Variants in COL13A1 observed in about 807,000 individuals in gnomAD.
COL13A1 encodes the protein collagen type XIII alpha 1 chain.
A neutral mutation model predicts 130.9 loss-of-function variants in COL13A1; 89 were observed. That is an observed-to-expected ratio of 0.68 (90% confidence interval 0.57 to 0.81). The LOEUF (loss-of-function observed/expected upper bound fraction) is 0.81. Ranked by LOEUF, COL13A1 falls within the 30% of genes least tolerant of loss-of-function variation. COL13A1 has a pLI of 0.00. For synonymous variants in COL13A1, 402 were observed against 341.6 expected, an observed-to-expected ratio of 1.18 and a Z score of -1.95; for missense variants, 879 against 934.6, an observed-to-expected ratio of 0.94 and a Z score of 0.78.
chr10:69,894,670 T>A lies in COL13A1; in HGVS notation c.631-5T>A, dbSNP rs752448484. On this transcript the variant is annotated splice_polypyrimidine_tract_variant and splice_region_variant and intron_variant, in intron 11 of 40. Transcript: ENST00000645393. ...TCTAACTCTCTCATCTCCGTCTCTT[T>A]GTAGGGACCCCAGGGACAAAAAGGA... The A allele has an allele frequency of 5.6e-6, 9 of 1,613,932 alleles. No homozygotes were observed. The highest frequency in any genetic ancestry group is 5.9e-6 in the Non-Finnish European group (7 of 1,179,898).
At chr10:69,825,666 G>A (rs1847300758) in intron 2 of COL13A1, among the ~76,000 whole-genome samples, 1 of 152,222 alleles carries the variant, frequency 6.6e-6, no homozygotes, top group African/African-American at 2.4e-5. Flanking sequence ...AGTGGTGCCT[G>A]CCCTCTGTGG....
intron 1 of COL13A1, among the ~76,000 whole-genome samples, chr10:69,820,922 C>A (rs1348640357): frequency 6.6e-6 from 1 of 152,182 alleles, no homozygotes; most frequent in Non-Finnish European, 1.5e-5. Context: ...CCTTGTGAAG[C>A]TTTCTGACCT....
intron 31 of COL13A1, 82 bp downstream of exon 31, chr10:69,932,686 G>A (rs2066284436): frequency 2.2e-6 from 2 of 906,790 alleles, no homozygotes; most frequent in South Asian, 2.8e-5. Flanking sequence ...TTAGAATGAA[G>A]CTTGCAACTG....
intron 31 of COL13A1, among the ~76,000 whole-genome samples, chr10:69,934,682 G>A (rs1045768643): frequency 6.6e-5 from 10 of 152,226 alleles, no homozygotes; most frequent in Non-Finnish European, 1.3e-4. Flanking sequence ...AGGCAGCCCT[G>A]AGCTCCTCCA....
chr10:69,932,197 ATAATCT>A (rs1197909385), intron 30 of COL13A1, among the ~76,000 whole-genome samples: 6 of 152,206 alleles, frequency 3.9e-5, no homozygotes, highest in East Asian at 3.8e-4. Context: ...TATTTGTAAC[ATAATCT>A]TAATATATGT....
intron 2 of COL13A1, among the ~76,000 whole-genome samples, chr10:69,847,469 G>A (rs772301755): frequency 2.6e-5 from 4 of 152,158 alleles, no homozygotes; most frequent in African/African-American, 4.8e-5. Flanking sequence ...CCCTCAGCAC[G>A]AGTACCCCTT....
intron 2 of COL13A1, among the ~76,000 whole-genome samples, chr10:69,862,843 G>A (rs1164971803): frequency 1.3e-5 from 2 of 152,202 alleles, no homozygotes; most frequent in African/African-American, 4.8e-5. Flanking sequence ...ACTTCACTGG[G>A]TCATTGGGCA....
intron 1 of COL13A1, 36 bp downstream of exon 1, chr10:69,802,753 C>G: frequency 1.9e-6 from 3 of 1,605,310 alleles, no homozygotes; most frequent in Non-Finnish European, 2.5e-6. Context: ...TATCCCTCCC[C>G]GCGGCGCCCC....
chr10:69,899,077 C>A (rs1023022533), intron 14 of COL13A1, among the ~76,000 whole-genome samples: 3 of 152,188 alleles, frequency 2.0e-5, no homozygotes, highest in Non-Finnish European at 2.9e-5. Flanking sequence ...GCATGATCAT[C>A]CTTATTTCAC....
intron 2 of COL13A1, among the ~76,000 whole-genome samples, chr10:69,827,836 C>T (rs959294071): frequency 6.6e-6 from 1 of 152,152 alleles, no homozygotes; most frequent in East Asian, 1.9e-4. Context: ...ATGGGCAGGA[C>T]CTGTAGCCAG....
intron 17 of COL13A1, among the ~76,000 whole-genome samples, chr10:69,908,145 G>C (rs986450972): frequency 7.2e-5 from 11 of 152,208 alleles, no homozygotes; most frequent in African/African-American, 2.4e-4. Flanking sequence ...GAGAAAAGAG[G>C]CAGGAAGGAA....
At chr10:69,935,292 G>A in intron 31 of COL13A1, 58 bp from the exon 32 acceptor site, 1 of 1,470,082 alleles carries the variant, frequency 6.8e-7, no homozygotes, top group South Asian at 1.2e-5. Flanking sequence ...CTGGGCTCTA[G>A]GCCCTATCAG....
At chr10:69,840,330 G>T (rs1851264682) in intron 2 of COL13A1, among the ~76,000 whole-genome samples, 2 of 152,150 alleles carry the variant, frequency 1.3e-5, no homozygotes, top group Non-Finnish European at 2.9e-5. Flanking sequence ...GGTGACTCGG[G>T]GTCCTTTAAG....
chr10:69,904,931 A>G lies in COL13A1; in HGVS notation c.859-2A>G. ...TTTTTTTTTTTTTTTTTGCTTCCAC[A>G]GGGCTTACCTGGGCCTCCTGGACCA... On this transcript the variant is annotated splice_acceptor_variant, in intron 15 of 40. Transcript: ENST00000645393. LOFTEE classifies it high-confidence loss of function. 1.3e-6 allele frequency: 2 copies of G among 1,528,238 alleles called. No individual in the cohort carries two copies. Among genetic ancestry groups the G allele is most frequent in the Non-Finnish European group, 1.8e-6 (2 of 1,140,574 alleles). The allele number at this position is 1,528,238 out of a possible 1,614,324, so 94.7% of individuals were successfully genotyped here.
Position 69,822,556 on chromosome 10 carries a change from C to T in COL13A1, c.364+118C>T, listed in dbSNP as rs116329038. On this transcript the variant is annotated intron_variant, in intron 2 of 40. Transcript: ENST00000645393. ...AGGCCGTCACTTTTCATTTGAAAGA[C>T]AGGAGTGACAATATCTGTGGTTGCC... is the stretch of plus-strand genomic sequence containing the variant. 909 of 737,218 alleles carry T rather than the reference C, an allele frequency of 1.2e-3. 8 individuals carry two copies. In the African/African-American group the frequency reaches 0.016, roughly 13 times the overall value. The allele number at this position is 737,218 out of a possible 1,614,324, so 45.7% of individuals were successfully genotyped here.
chr10:69,884,481 T>C (rs1278874911), intron 7 of COL13A1, among the ~76,000 whole-genome samples: 1 of 152,176 alleles, frequency 6.6e-6, no homozygotes, highest in East Asian at 1.9e-4. Context: ...AAGGGAGACT[T>C]CTTGGTAGGC....
At chr10:69,872,689 T>C (rs1322989578) in intron 4 of COL13A1, among the ~76,000 whole-genome samples, 1 of 152,210 alleles carries the variant, frequency 6.6e-6, no homozygotes, top group African/African-American at 2.4e-5. Flanking sequence ...CAAGTAACCA[T>C]GGGGACTCTG....
At chr10:69,928,606 T>TGGAGATATTTTTAAGTCATTATTGG (rs1323920668) in intron 27 of COL13A1, among the ~76,000 whole-genome samples, 4 of 152,200 alleles carry the variant, frequency 2.6e-5, no homozygotes, top group Non-Finnish European at 5.9e-5. Context: ...GGTTGTTTTC[T>TGGAGATATTTTTAAGTCATTATTGG]GGAGATATTT....
At chr10:69,907,888 A>T (rs1413349789) in intron 17 of COL13A1, among the ~76,000 whole-genome samples, 1 of 152,248 alleles carries the variant, frequency 6.6e-6, no homozygotes, top group Non-Finnish European at 1.5e-5. Flanking sequence ...GAGCTATCAT[A>T]ATCTAATCAC....
Sources: gnomAD v4.1 joint callset for allele counts (sites outside exome capture counted in the v4.1 genomes callset) on GRCh38, gnomAD v4.1.1 for gene constraint, MANE v1.5 for transcripts, NCBI Gene and HGNC (gene_info 2026-07-23, HGNC 2026-07-21) for gene names.